The following PDE4D variants were observed in gnomAD, a reference collection of about 807,000 sequenced individuals.
PDE4D encodes 3',5'-cyclic-AMP phosphodiesterase 4D.
Under a neutral mutation model 87.4 loss-of-function variants are expected in PDE4D, and 24 were observed. That is an observed-to-expected ratio of 0.27 (90% confidence interval 0.20 to 0.39). PDE4D has a LOEUF of 0.39. PDE4D is among the 10% of genes least tolerant of loss of function. The probability of loss-of-function intolerance (pLI) is 1.00; values close to 1 mark genes in which losing one functional copy is unlikely to be tolerated. For synonymous variants in PDE4D, 384 were observed against 383.2 expected, an observed-to-expected ratio of 1.00 and a Z score of -0.02; for missense variants, 714 against 1,041.0, an observed-to-expected ratio of 0.69 and a Z score of 4.32.
At chr5:59,350,199 T>C (rs189530524) in intron 1 of PDE4D, among the ~76,000 whole-genome samples, 16 of 152,314 alleles carry the variant, frequency 1.1e-4, no homozygotes, top group Non-Finnish European at 2.4e-4. Flanking sequence ...TCCATGGTCA[T>C]TGCCCAATTA....
intron 1 of PDE4D, among the ~76,000 whole-genome samples, chr5:59,693,163 CA>C (rs1254797834): frequency 1.1e-4 from 16 of 151,330 alleles, no homozygotes; most frequent in Admixed American, 9.9e-4. Flanking sequence ...TTTGAATAAA[CA>C]ACATAACTGA....
chr5:59,584,063 T>C (rs1217626020), intron 1 of PDE4D, among the ~76,000 whole-genome samples: 2 of 152,132 alleles, frequency 1.3e-5, no homozygotes, highest in African/African-American at 4.8e-5. Context: ...GGGGGAGTCT[T>C]TGGAGATGAA....
intron 2 of PDE4D, among the ~76,000 whole-genome samples, chr5:60,135,371 T>C (rs1779947782): frequency 6.6e-6 from 1 of 152,176 alleles, no homozygotes; most frequent in Non-Finnish European, 1.5e-5. Flanking sequence ...TAAAGTCAGA[T>C]CTAATTGCCA....
intron 2 of PDE4D, among the ~76,000 whole-genome samples, chr5:60,162,845 C>A (rs896569297): frequency 4.6e-5 from 7 of 151,980 alleles, no homozygotes; most frequent in African/African-American, 1.7e-4. Context: ...CACTTGGCAC[C>A]CCTTCTACCT....
At chr5:59,627,298 G>A (rs757574521) in intron 1 of PDE4D, among the ~76,000 whole-genome samples, 3 of 152,142 alleles carry the variant, frequency 2.0e-5, no homozygotes, top group Non-Finnish European at 4.4e-5. Context: ...TTTCAGAAAA[G>A]TCACAAAGCA....
intron 1 of PDE4D, among the ~76,000 whole-genome samples, chr5:59,797,937 C>G (rs1039281779): frequency 2.0e-5 from 3 of 151,928 alleles, no homozygotes; most frequent in African/African-American, 7.3e-5. Flanking sequence ...ATTTCTAGGT[C>G]AAATAGGAGC....
chr5:60,012,138 T>C (rs1765076845), intron 2 of PDE4D, among the ~76,000 whole-genome samples: 1 of 152,142 alleles, frequency 6.6e-6, no homozygotes, highest in South Asian at 2.1e-4. Flanking sequence ...ATAAGTCAGA[T>C]CTAAAAATTA....
At chr5:59,512,771 T>A (rs1810491334) in intron 1 of PDE4D, among the ~76,000 whole-genome samples, 1 of 152,134 alleles carries the variant, frequency 6.6e-6, no homozygotes, top group Admixed American at 6.5e-5. Flanking sequence ...AATGTTCAAG[T>A]ACAGATAGAG....
intron 1 of PDE4D, among the ~76,000 whole-genome samples, chr5:60,375,255 C>G (rs1761345457): frequency 6.6e-6 from 1 of 152,162 alleles, no homozygotes; most frequent in African/African-American, 2.4e-5. Flanking sequence ...ACATATCTGT[C>G]TCTTTCTCCC....
intron 3 of PDE4D, among the ~76,000 whole-genome samples, chr5:59,975,429 T>A (rs1206705544): frequency 6.6e-6 from 1 of 152,244 alleles, no homozygotes; most frequent in Non-Finnish European, 1.5e-5. Context: ...GTTATTCTAA[T>A]TCACCTGTTT....
intron 1 of PDE4D, among the ~76,000 whole-genome samples, chr5:60,195,304 G>A (rs944845962): frequency 6.6e-6 from 1 of 151,556 alleles, no homozygotes; most frequent in Non-Finnish European, 1.5e-5. Flanking sequence ...CTGTTTAATT[G>A]TACGTCACTG....
chr5:59,552,859 C>T (rs1278027685), intron 1 of PDE4D, among the ~76,000 whole-genome samples: 4 of 152,002 alleles, frequency 2.6e-5, no homozygotes, highest in Non-Finnish European at 5.9e-5. Flanking sequence ...TTTTATCTAC[C>T]GAAAAGTAAG....
intron 5 of PDE4D, among the ~76,000 whole-genome samples, chr5:59,126,491 T>C (rs1775423076): frequency 6.6e-6 from 1 of 152,238 alleles, no homozygotes; most frequent in Non-Finnish European, 1.5e-5. Context: ...GAGAAGGTTG[T>C]ACTTTAGCTA....
intron 4 of PDE4D, among the ~76,000 whole-genome samples, chr5:59,180,974 G>A (rs551556972): frequency 1.3e-5 from 2 of 152,268 alleles, no homozygotes; most frequent in South Asian, 4.1e-4. Flanking sequence ...CTCTGAATTT[G>A]AAAAAGCAGT....
chr5:60,264,032 G>A (rs991249056), intron 1 of PDE4D, among the ~76,000 whole-genome samples: 1 of 151,350 alleles, frequency 6.6e-6, no homozygotes, highest in African/African-American at 2.4e-5. Context: ...AAACTAAAAG[G>A]GATTTCTGAA....
chr5:59,512,599 T>A (rs956753908), intron 1 of PDE4D, among the ~76,000 whole-genome samples: 4 of 152,156 alleles, frequency 2.6e-5, no homozygotes, highest in Admixed American at 2.0e-4. Flanking sequence ...TTTGGTTTTA[T>A]CAAACCAAAA....
intron 1 of PDE4D, among the ~76,000 whole-genome samples, chr5:59,277,923 A>G (rs991128508): frequency 7.2e-5 from 11 of 152,178 alleles, no homozygotes; most frequent in Non-Finnish European, 1.5e-4. Flanking sequence ...TAATAGTACC[A>G]TAATGACTAA....
intron 5 of PDE4D, among the ~76,000 whole-genome samples, chr5:59,171,213 G>C (rs1782713649): frequency 6.6e-6 from 1 of 152,046 alleles, no homozygotes; most frequent in African/African-American, 2.4e-5. Context: ...TTCATCCTCA[G>C]TCTCTGCTCT....
chr5:59,914,398 A>G (rs1753775688), intron 3 of PDE4D, among the ~76,000 whole-genome samples: 1 of 152,082 alleles, frequency 6.6e-6, no homozygotes, highest in Admixed American at 6.5e-5. Flanking sequence ...CAGAGACCTG[A>G]GGGAAGCTAG....
Sources: gnomAD v4.1 joint callset for allele counts (sites outside exome capture counted in the v4.1 genomes callset) on GRCh38, gnomAD v4.1.1 for gene constraint, MANE v1.5 for transcripts, NCBI Gene and HGNC (gene_info 2026-07-23, HGNC 2026-07-21) for gene names.